Variants in GNAI1 observed in about 807,000 individuals in gnomAD.
GNAI1 encodes the protein guanine nucleotide-binding protein G(i) subunit alpha-1.
In GNAI1, 11 loss-of-function variants were observed where a neutral mutation model predicts 38.9. The observed-to-expected ratio is 0.28, with a 90% CI of 0.18 to 0.47. The LOEUF (loss-of-function observed/expected upper bound fraction) is 0.47, where lower values mean the gene tolerates loss of function less well. Among genes scored for constraint, GNAI1 ranks in the 20% least tolerant of loss-of-function variants. The probability of loss-of-function intolerance (pLI) is 0.99; values close to 1 mark genes in which losing one functional copy is unlikely to be tolerated. For missense variants in GNAI1, 317 were observed against 436.9 expected (o/e 0.73, Z 2.45); for synonymous variants, 166 against 145.1 (o/e 1.14, Z -1.04).
chr7:80,220,874 A>G lies in GNAI1; in HGVS notation c.*3381A>G, dbSNP rs1789060984. Among the ~76,000 whole-genome samples the G allele has an allele frequency of 6.6e-6, 1 of 152,024 alleles. No homozygotes were observed. Among genetic ancestry groups the G allele is most frequent in the South Asian group, 2.1e-4 (1 of 4,820 alleles). ...TGTAAGTAGTGTTTCGCCTATCCCC[A>G]CTCTGCCCTTGAGTTCCTCTGAGCC... is the stretch of plus-strand genomic sequence containing the variant. On this transcript the variant is annotated 3_prime_UTR_variant, in exon 8 of 8. Transcript: ENST00000649796.
chr7:80,170,428 T>C (rs1306016825), intron 1 of GNAI1, among the ~76,000 whole-genome samples: 1 of 152,190 alleles, frequency 6.6e-6, no homozygotes, highest in Non-Finnish European at 1.5e-5. Context: ...TTAACCTCTC[T>C]GAAAACTCAA....
chr7:80,170,509 G>A (rs914651471), intron 1 of GNAI1, among the ~76,000 whole-genome samples: 2 of 152,166 alleles, frequency 1.3e-5, no homozygotes, highest in African/African-American at 4.8e-5. Flanking sequence ...CCTGAGACTG[G>A]GTAGTTTATA....
intron 1 of GNAI1, among the ~76,000 whole-genome samples, chr7:80,166,387 TA>T: frequency 1.3e-5 from 2 of 152,054 alleles, no homozygotes; most frequent in Non-Finnish European, 2.9e-5. Flanking sequence ...CGAAATTGTT[TA>T]AAAAAACAGA....
intron 1 of GNAI1, among the ~76,000 whole-genome samples, chr7:80,176,503 A>G (rs1384820507): frequency 1.3e-5 from 2 of 152,240 alleles, no homozygotes; most frequent in African/African-American, 2.4e-5. Context: ...GGACATTCAT[A>G]GCTAGAGAGG....
chr7:80,216,557 A>G (rs1202876070), intron 7 of GNAI1, among the ~76,000 whole-genome samples: 1 of 152,166 alleles, frequency 6.6e-6, no homozygotes, highest in Non-Finnish European at 1.5e-5. Context: ...GCTCAACAGT[A>G]CACTTAGGAG....
chr7:80,194,057 G>A (rs1026416861), intron 3 of GNAI1, among the ~76,000 whole-genome samples: 4 of 152,138 alleles, frequency 2.6e-5, no homozygotes, highest in South Asian at 2.1e-4. Flanking sequence ...TCTGTCTGCC[G>A]GATTTGCTAG....
At chr7:80,217,257 T>C in intron 7 of GNAI1, 46 bp from the exon 8 acceptor site, 1 of 577,736 alleles carries the variant, frequency 1.7e-6, no homozygotes, top group Non-Finnish European at 2.4e-6. Context: ...TTTAAGCAGT[T>C]ATTTTAACTT....
At chr7:80,182,115 T>C (rs971429163) in intron 1 of GNAI1, among the ~76,000 whole-genome samples, 2 of 152,184 alleles carry the variant, frequency 1.3e-5, no homozygotes, top group African/African-American at 4.8e-5. Context: ...AGATTCTACA[T>C]GTACTATACA....
In GNAI1 at chr7:80,212,935, A is replaced by G. The variant is rs1311954614; in HGVS notation, c.874+66A>G. ...TTCTAAGTGAAACTTCCCCTAAGGC[A>G]AGAATTCAGTTGTTAATTTAAATCT... is the stretch of plus-strand genomic sequence containing the variant. On this transcript the variant is annotated intron_variant, in intron 7 of 7. Coordinates refer to ENST00000649796, the MANE Select transcript of GNAI1 (RefSeq NM_002069.6). 8 of 1,039,336 alleles carry G rather than the reference A, an allele frequency of 7.7e-6. No individual in the cohort carries two copies. In the East Asian group the frequency reaches 1.1e-4, roughly 14 times the overall value. The allele number at this position is 1,039,336 out of a possible 1,614,324, so 64.4% of individuals were successfully genotyped here.
At chr7:80,192,906 C>T (rs2115646869) in intron 3 of GNAI1, among the ~76,000 whole-genome samples, 2 of 152,216 alleles carry the variant, frequency 1.3e-5, no homozygotes, top group Admixed American at 6.5e-5. Flanking sequence ...ACCTTGTTGG[C>T]CAGGCTGGTC....
chr7:80,175,108 A>G (rs1279419487), intron 1 of GNAI1, among the ~76,000 whole-genome samples: 1 of 152,156 alleles, frequency 6.6e-6, no homozygotes, highest in Non-Finnish European at 1.5e-5. Flanking sequence ...ACCATTTTTA[A>G]TTGATAGACA....
intron 1 of GNAI1, among the ~76,000 whole-genome samples, chr7:80,163,546 G>A (rs1787959759): frequency 6.6e-6 from 1 of 152,154 alleles, no homozygotes; most frequent in Non-Finnish European, 1.5e-5. Context: ...GAGAAACTGA[G>A]CATTTTGAGT....
In GNAI1 at chr7:80,135,097, C is replaced by A; in HGVS notation, c.-64C>A. On this transcript the variant is annotated 5_prime_UTR_variant, in exon 1 of 8. Transcript: ENST00000649796. Reference sequence around the variant, plus strand: ...GCCCGCTAGGAGAGAGAAAGGATTCCCCTGTGCTTGGAGCCCGCACTCGGG... The same window carrying A: ...GCCCGCTAGGAGAGAGAAAGGATTCACCTGTGCTTGGAGCCCGCACTCGGG... The A allele has an allele frequency of 8.8e-7, 1 of 1,134,362 alleles. No individual in the cohort carries two copies. Among genetic ancestry groups the A allele is most frequent in the Non-Finnish European group, 1.2e-6 (1 of 825,952 alleles). 70.3% of individuals were successfully genotyped at this position (1,134,362 alleles called of 1,614,324 possible).
chr7:80,156,233 C>T (rs1333051486), intron 1 of GNAI1, among the ~76,000 whole-genome samples: 1 of 151,964 alleles, frequency 6.6e-6, no homozygotes, highest in Admixed American at 6.6e-5. Flanking sequence ...ACTCATTAGG[C>T]ATTTATTGTA....
chr7:80,188,330 T>G (rs1314317987), intron 1 of GNAI1, among the ~76,000 whole-genome samples: 1 of 152,128 alleles, frequency 6.6e-6, no homozygotes, highest in Non-Finnish European at 1.5e-5. Context: ...GAGAGCAGAG[T>G]CTTAAATAAA....
rs970454293 is a variant in GNAI1 at position 80,220,006 on chromosome 7, C to A, written c.*2513C>A. On this transcript the variant is annotated 3_prime_UTR_variant, in exon 8 of 8. Coordinates refer to ENST00000649796, the MANE Select transcript of GNAI1 (RefSeq NM_002069.6). ...AAAATGGCATTATTAGTTAAATTCC[C>A]CACCTCCCATTTCTCTCTTCTCGAA... Among the ~76,000 whole-genome samples, 1 of 152,112 alleles carries A rather than the reference C, an allele frequency of 6.6e-6. No individual in the cohort carries two copies. The highest frequency in any genetic ancestry group is 2.4e-5 in the African/African-American group (1 of 41,426).
At chr7:80,135,317 G>C in intron 1 of GNAI1, 39 bp downstream of exon 1, 1 of 1,210,202 alleles carries the variant, frequency 8.3e-7, no homozygotes. Context: ...GTCGGCGGGG[G>C]ACCGGGTGCG....
chr7:80,201,930 T>C (rs900239781), intron 4 of GNAI1, among the ~76,000 whole-genome samples: 1 of 152,156 alleles, frequency 6.6e-6, no homozygotes, highest in Non-Finnish European at 1.5e-5. Context: ...TGCAGTCAAG[T>C]TGCCCATTAG....
chr7:80,135,732 A>C (rs1787402019), intron 1 of GNAI1: 2 of 947,086 alleles, frequency 2.1e-6, no homozygotes, highest in Non-Finnish European at 2.4e-6. Flanking sequence ...TGGTTTTCTC[A>C]TGCCCAGAGT....
Sources: allele counts gnomAD v4.1 joint callset (sites outside exome capture counted in the v4.1 genomes callset), GRCh38; gene constraint gnomAD v4.1.1; transcripts MANE v1.5; gene names NCBI Gene and HGNC (gene_info 2026-07-23, HGNC 2026-07-21).